Variants in FBXO15 observed in about 807,000 individuals in gnomAD.
FBXO15 encodes F-box only protein 15.
Under a neutral mutation model 49.5 loss-of-function variants are expected in FBXO15, and 30 were observed. That is an observed-to-expected ratio of 0.61 (90% CI 0.45 to 0.82). The LOEUF (loss-of-function observed/expected upper bound fraction) is 0.82. FBXO15 is among the 40% of genes least tolerant of loss of function. FBXO15 has a pLI of 0.00. For missense variants in FBXO15, 591 were observed against 631.5 expected (o/e 0.94, Z 0.69); for synonymous variants, 250 against 232.7 (o/e 1.07, Z -0.68).
chr18:74,147,349 A>C (rs1011295890), intron 1 of FBXO15, among the ~76,000 whole-genome samples: 11 of 152,148 alleles, frequency 7.2e-5, no homozygotes, highest in African/African-American at 2.7e-4. Flanking sequence ...GGCGGAGCAC[A>C]CGTGAATTTA....
chr18:74,123,462 C>G lies in FBXO15; in HGVS notation c.1044G>C (p.Glu348Asp), dbSNP rs937751996. 1.9e-6 allele frequency: 3 copies of G among 1,613,912 alleles called. No individual in the cohort carries two copies. The highest frequency in any genetic ancestry group is 2.5e-6 in the Non-Finnish European group (3 of 1,179,912). ...GGAGTTGGTAGCCGTGCAGTCCATACTCGGGGCTATCATCCAAAAAGGGGC... is the reference window on the plus strand; with the variant it reads ...GGAGTTGGTAGCCGTGCAGTCCATAGTCGGGGCTATCATCCAAAAAGGGGC... ...PHSPFLDDSP[E>D]YGLHGYQLHV... Residue 348 changes from glutamate (E) to aspartate (D), a missense_variant, in exon 8 of 10, where the codon GAG (glutamate) becomes GAC (aspartate). By Grantham distance (45) the Glu-to-Asp change is conservative. Coordinates refer to ENST00000419743, the MANE Select transcript of FBXO15 (RefSeq NM_001142958.2).
intron 8 of FBXO15, among the ~76,000 whole-genome samples, chr18:74,110,178 TATAC>T (rs968282384): frequency 3.8e-4 from 43 of 111,932 alleles, no homozygotes; most frequent in African/African-American, 1.8e-3. Context: ...TATATATATA[TATAC>T]ACATATGTGT....
intron 8 of FBXO15, among the ~76,000 whole-genome samples, chr18:74,096,535 A>C (rs1418738307): frequency 6.6e-6 from 1 of 151,880 alleles, no homozygotes; most frequent in African/African-American, 2.4e-5. Flanking sequence ...AAAAAAAACA[A>C]AAGCCAGACA....
intron 8 of FBXO15, among the ~76,000 whole-genome samples, chr18:74,085,335 C>T (rs980172348): frequency 3.1e-5 from 2 of 64,316 alleles, no homozygotes; most frequent in Non-Finnish European, 5.7e-5. Flanking sequence ...TGGCTCACAC[C>T]TGTAATCCCA....
chr18:74,147,514 G>A (rs971954869), intron 1 of FBXO15, 156 bp downstream of exon 1: 1 of 1,255,084 alleles, frequency 8.0e-7, no homozygotes, highest in Non-Finnish European at 1.0e-6. Context: ...AGGGTAGAAA[G>A]GATTTCCTCC....
chr18:74,077,934 C>CATACTTA (rs1568153713), intron 9 of FBXO15, among the ~76,000 whole-genome samples: 4 of 152,180 alleles, frequency 2.6e-5, no homozygotes, highest in Admixed American at 6.5e-5. Flanking sequence ...TACAACCTCA[C>CATACTTA]CAAACCCACC....
chr18:74,126,785 A>AATT (rs1978289863), intron 5 of FBXO15, among the ~76,000 whole-genome samples: 1 of 152,340 alleles, frequency 6.6e-6, no homozygotes, highest in East Asian at 1.9e-4. Flanking sequence ...ATAAGTTAAA[A>AATT]AGGACACCAG....
At chr18:74,081,220 C>G (rs1193506670) in intron 9 of FBXO15, among the ~76,000 whole-genome samples, 1 of 152,128 alleles carries the variant, frequency 6.6e-6, no homozygotes. Flanking sequence ...ATGCATAGCG[C>G]CGTATAAAGC....
chr18:74,115,974 C>G (rs1914214463), intron 8 of FBXO15, among the ~76,000 whole-genome samples: 1 of 152,178 alleles, frequency 6.6e-6, no homozygotes, highest in Non-Finnish European at 1.5e-5. Flanking sequence ...AGCCCCCTCT[C>G]AATTCATTTT....
At position 74,147,753 on chromosome 18, in the gene FBXO15, C is replaced by G. The variant is rs1468919540; in HGVS notation, c.33G>C (p.Gln11His). The G allele has an allele frequency of 1.3e-6, 2 of 1,536,388 alleles. No homozygotes were observed. The highest frequency in any genetic ancestry group is 1.7e-6 in the Non-Finnish European group (2 of 1,143,128). The change falls in exon 1 of 10, where the codon CAG (glutamine) becomes CAC (histidine). Residue 11 changes from glutamine to histidine, a missense_variant. Gln to His is a conservative substitution (Grantham distance 24). Transcript: ENST00000419743. Reference sequence around the variant, plus strand: ...GCAGCGTCTGGAGGCCGAGCCAGTGCTGCTGCAAGATCCGACCGCGTCCAG... The same window carrying G: ...GCAGCGTCTGGAGGCCGAGCCAGTGGTGCTGCAAGATCCGACCGCGTCCAG... The part of the protein sequence containing the change: MATGRGRILQ[Q>H]HWLGLQTLRG...
chr18:74,095,930 T>C (rs1282413551), intron 8 of FBXO15, among the ~76,000 whole-genome samples: 1 of 152,126 alleles, frequency 6.6e-6, no homozygotes, highest in Non-Finnish European at 1.5e-5. Context: ...AAGAATGAGA[T>C]AGTCCCTGAG....
intron 5 of FBXO15, among the ~76,000 whole-genome samples, chr18:74,126,943 G>A (rs914236315): frequency 8.5e-5 from 13 of 152,212 alleles, no homozygotes; most frequent in South Asian, 2.1e-4. Flanking sequence ...GTCGGTGAAC[G>A]TGTGTGATGT....
Position 74,145,994 on chromosome 18 carries a change from C to T in FBXO15, c.116+1676G>A, listed in dbSNP as rs1290319746. On this transcript the variant is annotated intron_variant, in intron 1 of 9. Transcript: ENST00000419743. ...ATACGTCTACAAGGTTAAGTGTAGACATACACTGATACATTTAGCAAGATA... is the reference window on the plus strand; with the variant it reads ...ATACGTCTACAAGGTTAAGTGTAGATATACACTGATACATTTAGCAAGATA... 2.6e-5 allele frequency among the ~76,000 whole-genome samples: 4 copies of T among 152,196 alleles called. No individual in the cohort carries two copies. The East Asian group carries it at 7.7e-4, about 29-fold the overall frequency.
intron 8 of FBXO15, among the ~76,000 whole-genome samples, chr18:74,100,767 C>T (rs1913480373): frequency 2.0e-5 from 3 of 152,024 alleles, no homozygotes; most frequent in African/African-American, 7.2e-5. Flanking sequence ...TCATTCAAGG[C>T]TACTATGAAC....
At chr18:74,132,641 C>T (rs1180695269) in intron 3 of FBXO15, among the ~76,000 whole-genome samples, 1 of 152,150 alleles carries the variant, frequency 6.6e-6, no homozygotes, top group Non-Finnish European at 1.5e-5. Flanking sequence ...TCACAGTCTC[C>T]AAACACATTT....
At chr18:74,138,488 C>T (rs1978862230) in intron 2 of FBXO15, among the ~76,000 whole-genome samples, 1 of 152,138 alleles carries the variant, frequency 6.6e-6, no homozygotes, top group Non-Finnish European at 1.5e-5. Flanking sequence ...GGGCTCTTCC[C>T]TGCCTGCTTG....
At position 74,073,460 on chromosome 18, in the gene FBXO15, G is replaced by A; in HGVS notation, c.*1C>T. On this transcript the variant is annotated 3_prime_UTR_variant, in exon 10 of 10. Coordinates refer to ENST00000419743, the MANE Select transcript of FBXO15 (RefSeq NM_001142958.2). ...TAACAACAATAATTTGCCACCTACT[G>A]CTAATATTCAGTCCCAAACCAATGG... 1 of 1,610,118 alleles carries A rather than the reference G, an allele frequency of 6.2e-7. No individual in the cohort carries two copies. The highest frequency in any genetic ancestry group is 8.5e-7 in the Non-Finnish European group (1 of 1,177,634).
rs537848443 is a variant in FBXO15 at position 74,116,757 on chromosome 18, G to A, written c.1138+6611C>T. 4.6e-5 allele frequency among the ~76,000 whole-genome samples: 7 copies of A among 152,266 alleles called. No homozygotes were observed. The East Asian group carries it at 1.4e-3, about 29-fold the overall frequency. ...TCTCTGTCCCTAACCCTATCAGGCA[G>A]GGATCACATGGAGGCAGGGCTTCCC... On this transcript the variant is annotated intron_variant, in intron 8 of 9. Coordinates refer to ENST00000419743, the MANE Select transcript of FBXO15 (RefSeq NM_001142958.2).
chr18:74,147,663 C>G lies in FBXO15; in HGVS notation c.116+7G>C, dbSNP rs1426196813. On this transcript the variant is annotated splice_region_variant and intron_variant, in intron 1 of 9. Coordinates refer to ENST00000419743, the MANE Select transcript of FBXO15 (RefSeq NM_001142958.2). ...CAGGGGACCCCACCCGCAGGCCCTA[C>G]AGTCACCTGCACCCAAAGGCCCTGG... 2 of 1,450,964 alleles carry G rather than the reference C, an allele frequency of 1.4e-6. No individual in the cohort carries two copies. Among genetic ancestry groups the G allele is most frequent in the Admixed American group, 2.7e-5 (1 of 36,742 alleles). 89.9% of individuals were successfully genotyped at this position (1,450,964 alleles called of 1,614,324 possible). A position where few individuals can be genotyped will look rare whatever the true frequency, so the allele number is the denominator to read the frequency against.
Sources: allele counts gnomAD v4.1 joint callset (sites outside exome capture counted in the v4.1 genomes callset), GRCh38; gene constraint gnomAD v4.1.1; transcripts MANE v1.5; gene names NCBI Gene and HGNC (gene_info 2026-07-23, HGNC 2026-07-21).